DOCK2: variants seen among roughly 807,000 people sequenced by gnomAD.
DOCK2 encodes the protein dedicator of cytokinesis protein 2.
DOCK2 carries 87 observed loss-of-function variants against 248.9 expected under a neutral mutation model. The observed-to-expected ratio is 0.35, with a 90% CI of 0.29 to 0.42. The LOEUF (loss-of-function observed/expected upper bound fraction) is 0.42. Among genes scored for constraint, DOCK2 ranks in the 10% least tolerant of loss-of-function variants. DOCK2 has a pLI of 1.00. For missense variants in DOCK2, 1,747 were observed against 2,300.2 expected (o/e 0.76, Z 4.92); for synonymous variants, 805 against 821.6 (o/e 0.98, Z 0.35).
chr5:169,806,412 G>A (rs1185676145), intron 26 of DOCK2, among the ~76,000 whole-genome samples: 2 of 151,992 alleles, frequency 1.3e-5, no homozygotes, highest in Non-Finnish European at 2.9e-5. Context: ...GCCTCCCAAA[G>A]TGCTGGGATT....
chr5:169,788,887 T>C (rs2113048370), intron 25 of DOCK2, among the ~76,000 whole-genome samples: 1 of 152,310 alleles, frequency 6.6e-6, no homozygotes, highest in Non-Finnish European at 1.5e-5. Context: ...GGGTTTGTTA[T>C]ATGGGTAAAC....
At chr5:169,733,373 G>A (rs1042082771) in intron 22 of DOCK2, among the ~76,000 whole-genome samples, 3 of 151,064 alleles carry the variant, frequency 2.0e-5, no homozygotes, top group African/African-American at 7.3e-5. Flanking sequence ...GAATTATGCA[G>A]CATTTTAGTT....
At chr5:169,799,147 C>T (rs1004473942) in intron 25 of DOCK2, among the ~76,000 whole-genome samples, 5 of 152,196 alleles carry the variant, frequency 3.3e-5, no homozygotes, top group Non-Finnish European at 7.3e-5. Flanking sequence ...ACTGCAGTGA[C>T]ACAGATTTCC....
chr5:169,819,982 C>A (rs562380466), intron 26 of DOCK2, among the ~76,000 whole-genome samples: 14 of 152,338 alleles, frequency 9.2e-5, no homozygotes, highest in Non-Finnish European at 1.8e-4. Flanking sequence ...TATCCCGTGC[C>A]TGGCTTGGAG....
chr5:169,912,843 T>G (rs1440020266), intron 27 of DOCK2, among the ~76,000 whole-genome samples: 1 of 151,526 alleles, frequency 6.6e-6, no homozygotes, highest in Non-Finnish European at 1.5e-5. Context: ...AGGTACTTCT[T>G]TTTTTTTTCA....
chr5:170,062,868 T>A (rs917900659), intron 44 of DOCK2, among the ~76,000 whole-genome samples: 2 of 152,208 alleles, frequency 1.3e-5, no homozygotes, highest in Non-Finnish European at 2.9e-5. Flanking sequence ...CTTGGCAGCC[T>A]GGCTTCTACA....
At chr5:169,711,307 G>A (rs567731674) in intron 15 of DOCK2, among the ~76,000 whole-genome samples, 1 of 152,176 alleles carries the variant, frequency 6.6e-6, no homozygotes, top group Non-Finnish European at 1.5e-5. Context: ...CACAGAGCCA[G>A]GCTGAAAGCA....
chr5:170,019,174 AT>A, intron 33 of DOCK2, 66 bp downstream of exon 33: 1 of 1,607,216 alleles, frequency 6.2e-7, no homozygotes, highest in Non-Finnish European at 8.5e-7. Flanking sequence ...CCATAATGAT[AT>A]CCTCATTCCA....
At chr5:169,645,129 A>C (rs1490304071) in intron 1 of DOCK2, among the ~76,000 whole-genome samples, 1 of 152,134 alleles carries the variant, frequency 6.6e-6, no homozygotes, top group Non-Finnish European at 1.5e-5. Flanking sequence ...TTTATAGTAG[A>C]ATGATTTCTA....
chr5:169,650,177 A>G (rs1319056843), intron 1 of DOCK2, among the ~76,000 whole-genome samples: 1 of 152,206 alleles, frequency 6.6e-6, no homozygotes, highest in Non-Finnish European at 1.5e-5. Flanking sequence ...TAGGTACTAC[A>G]TACTGTGTCT....
At chr5:169,799,653 A>C (rs1400881177) in intron 25 of DOCK2, among the ~76,000 whole-genome samples, 1 of 152,250 alleles carries the variant, frequency 6.6e-6, no homozygotes, top group African/African-American at 2.4e-5. Flanking sequence ...TCTCAACTTT[A>C]TGATGGCAAG....
intron 35 of DOCK2, among the ~76,000 whole-genome samples, chr5:170,036,174 A>T (rs1192715918): frequency 6.6e-6 from 1 of 151,702 alleles, no homozygotes; most frequent in Non-Finnish European, 1.5e-5. Flanking sequence ...GCTGCCTTTC[A>T]ATGTGGGCCT....
chr5:169,967,694 G>A lies in DOCK2; in HGVS notation c.2800-15374G>A, dbSNP rs540354422. Among the ~76,000 whole-genome samples the A allele has an allele frequency of 5.3e-5, 8 of 152,262 alleles. 2 individuals carry two copies. In the South Asian group the frequency reaches 1.7e-3, roughly 32 times the overall value. On this transcript the variant is annotated intron_variant, in intron 27 of 51. Transcript: ENST00000520908. ...CTGCAACAGGGAGAATTGATTAGAGGGGCCAGAGTGGGAAGCAGGGGGTGC... is the reference window on the plus strand; with the variant it reads ...CTGCAACAGGGAGAATTGATTAGAGAGGCCAGAGTGGGAAGCAGGGGGTGC...
At chr5:170,062,025 G>T (rs1757345998) in intron 44 of DOCK2, among the ~76,000 whole-genome samples, 1 of 152,126 alleles carries the variant, frequency 6.6e-6, no homozygotes, top group South Asian at 2.1e-4. Flanking sequence ...ATGTGCAGTT[G>T]TAGGGTGTGT....
At chr5:169,882,492 C>G in intron 27 of DOCK2, 1 of 1,380,032 alleles carries the variant, frequency 7.2e-7, no homozygotes, top group Admixed American at 2.5e-5. Flanking sequence ...GCTGTCTCTG[C>G]CCCTGTGTTG....
intron 46 of DOCK2, among the ~76,000 whole-genome samples, chr5:170,069,785 G>C (rs1035690975): frequency 6.6e-6 from 1 of 152,062 alleles, no homozygotes; most frequent in African/African-American, 2.4e-5. Flanking sequence ...CTGCTGTTTC[G>C]GGCTGGCCAC....
intron 22 of DOCK2, among the ~76,000 whole-genome samples, chr5:169,743,261 A>G (rs1206648086): frequency 6.6e-6 from 1 of 151,692 alleles, no homozygotes; most frequent in Admixed American, 6.6e-5. Context: ...TTCCTTAGTC[A>G]CTCCTTAATT....
intron 22 of DOCK2, among the ~76,000 whole-genome samples, chr5:169,739,676 T>G (rs1459793197): frequency 6.6e-6 from 1 of 152,182 alleles, no homozygotes; most frequent in African/African-American, 2.4e-5. Flanking sequence ...CTGTTATATA[T>G]TTTCAATTAT....
intron 23 of DOCK2, among the ~76,000 whole-genome samples, chr5:169,752,027 G>T (rs1239898094): frequency 6.6e-6 from 1 of 152,174 alleles, no homozygotes; most frequent in Non-Finnish European, 1.5e-5. Flanking sequence ...TTAGGCCAGG[G>T]ATTCCCATGT....
Sources: gnomAD v4.1 joint callset for allele counts (sites outside exome capture counted in the v4.1 genomes callset) on GRCh38, gnomAD v4.1.1 for gene constraint, MANE v1.5 for transcripts, NCBI Gene and HGNC (gene_info 2026-07-23, HGNC 2026-07-21) for gene names.